LYZL2: variants seen among roughly 807,000 people sequenced by gnomAD.
The protein encoded by LYZL2 is lysozyme-like protein 2.
A neutral mutation model predicts 17.1 loss-of-function variants in LYZL2; 13 were observed. The ratio of observed to expected loss-of-function variants is 0.76; its 90% CI spans 0.49 to 1.21. The LOEUF is 1.21. Ranked by LOEUF, LYZL2 falls within the 50% of genes most tolerant of loss-of-function variation. The probability of loss-of-function intolerance (pLI) is 0.00; values close to 1 mark genes in which losing one functional copy is unlikely to be tolerated. For missense variants in LYZL2, 166 were observed against 189.2 expected (o/e 0.88, Z 0.72); for synonymous variants, 63 against 74.4 (o/e 0.85, Z 0.79).
chr10:30,620,032 T>C (rs1838595665), intron 3 of LYZL2, among the ~76,000 whole-genome samples: 1 of 152,176 alleles, frequency 6.6e-6, no homozygotes, highest in Non-Finnish European at 1.5e-5. Flanking sequence ...ATCGATTGCT[T>C]CTTCATATGC....
rs201949535 is a variant in LYZL2 at position 30,612,920 on chromosome 10, C to G, written c.299-20G>C. 3.7e-6 allele frequency: 6 copies of G among 1,605,272 alleles called. No homozygotes were observed. The African/African-American group carries it at 5.3e-5, about 14-fold the overall frequency. The stretch of plus-strand genomic sequence containing the variant: ...CCAAGGCTGTAAAAAGAGAGGTCAT[C>G]AGGGTTAGGCGAGACTTTGTTGTTG... On this transcript the variant is annotated intron_variant, in intron 3 of 4. Transcript: ENST00000647634.
chr10:30,625,544 A>G (rs1838688466), intron 3 of LYZL2, among the ~76,000 whole-genome samples: 1 of 152,168 alleles, frequency 6.6e-6, no homozygotes, highest in Non-Finnish European at 1.5e-5. Context: ...AAAAACAAAA[A>G]TAAAAATAGC....
intron 3 of LYZL2, among the ~76,000 whole-genome samples, chr10:30,625,599 G>C (rs1265425807): frequency 6.6e-6 from 1 of 152,142 alleles, no homozygotes; most frequent in Non-Finnish European, 1.5e-5. Flanking sequence ...AGGGAAGGTT[G>C]CTTGAGTCAT....
At chr10:30,629,449 C>G (rs2132957018) in intron 1 of LYZL2, 144 bp downstream of exon 1, 1 of 736,162 alleles carries the variant, frequency 1.4e-6, no homozygotes, top group South Asian at 2.6e-5. Context: ...CATCCTCTGC[C>G]TTAGAATGTT....
At chr10:30,628,292 A>G (rs1838752318) in intron 1 of LYZL2, among the ~76,000 whole-genome samples, 1 of 152,190 alleles carries the variant, frequency 6.6e-6, no homozygotes, top group African/African-American at 2.4e-5. Context: ...TTTATCTTAG[A>G]TTGCAAATGC....
downstream of LYZL2, among the ~76,000 whole-genome samples, chr10:30,607,145 CAG>C (rs375910920): frequency 3.3e-5 from 5 of 151,796 alleles, no homozygotes; most frequent in Admixed American, 6.6e-5. Flanking sequence ...CTCCTGATCT[CAG>C]GTGATCCACC....
In LYZL2 at chr10:30,625,017, C is replaced by T. The variant is rs115221563; in HGVS notation, c.298+1088G>A. ...GCCTGGAATGGCCCTTGGGTGACAA[C>T]CTGCAAGCAACAAGGATCTCAGTTC... On this transcript the variant is annotated intron_variant, in intron 3 of 4. Coordinates refer to ENST00000647634, the MANE Select transcript of LYZL2 (RefSeq NM_183058.3). Among the ~76,000 whole-genome samples the T allele has an allele frequency of 4.6e-3, 698 of 152,228 alleles. 7 individuals carry two copies. Among genetic ancestry groups the T allele is most frequent in the African/African-American group, 0.016 (673 of 41,524 alleles).
intron 3 of LYZL2, among the ~76,000 whole-genome samples, chr10:30,620,765 C>G (rs368624310): frequency 2.0e-5 from 3 of 150,952 alleles, no homozygotes; most frequent in African/African-American, 7.3e-5. Flanking sequence ...TAAAGAGAAA[C>G]AGGAATAAAA....
intron 3 of LYZL2, among the ~76,000 whole-genome samples, chr10:30,620,676 C>G (rs1444508130): frequency 6.6e-6 from 1 of 152,028 alleles, no homozygotes; most frequent in East Asian, 1.9e-4. Flanking sequence ...GGGCAAGACT[C>G]AGAAAGGACA....
chr10:30,615,775 T>C (rs1564407306), intron 3 of LYZL2, among the ~76,000 whole-genome samples: 1 of 152,246 alleles, frequency 6.6e-6, no homozygotes, highest in Non-Finnish European at 1.5e-5. Context: ...TTATTTGTTC[T>C]AGCTACATCT....
At chr10:30,612,089 A>G in intron 4 of LYZL2, 65 bp from the exon 5 acceptor site, 1 of 1,590,480 alleles carries the variant, frequency 6.3e-7, no homozygotes, top group African/African-American at 1.4e-5. Flanking sequence ...TCTCAGTTTC[A>G]AAGTCTACAG....
At chr10:30,611,140 T>C (rs551313368), downstream of LYZL2, among the ~76,000 whole-genome samples, 1 of 152,210 alleles carries the variant, frequency 6.6e-6, no homozygotes, top group Non-Finnish European at 1.5e-5. Flanking sequence ...CTCCCTACAA[T>C]GAAGAAGGGA....
intron 4 of LYZL2, among the ~76,000 whole-genome samples, chr10:30,612,560 C>T (rs1734204870): frequency 6.6e-6 from 1 of 152,158 alleles, no homozygotes; most frequent in Non-Finnish European, 1.5e-5. Context: ...TAGAAAATAC[C>T]TTTCTCCATT....
intron 3 of LYZL2, among the ~76,000 whole-genome samples, chr10:30,621,797 C>T (rs1838624600): frequency 6.6e-6 from 1 of 152,056 alleles, no homozygotes; most frequent in Admixed American, 6.6e-5. Context: ...TAACTGTCTG[C>T]TCAAGTAAAT....
rs904247911 is a variant in LYZL2, at chr10:30,626,155, C to T, written c.248G>A (p.Cys83Tyr). The part of the protein sequence containing the change: ...GIFQINSFAW[C>Y]RRGKLKENNH... ...GTTCTCCTTCAGCTTTCCGCGTCTGCACCACGCGAAGCTGTTGATCTGGAA... is the reference window on the plus strand; with the variant it reads ...GTTCTCCTTCAGCTTTCCGCGTCTGTACCACGCGAAGCTGTTGATCTGGAA... Residue 83 changes from cysteine (C) to tyrosine (Y), a missense_variant, in exon 3 of 5, where the codon TGC becomes TAC. Around this residue, in one of 2 missense-constraint regions of LYZL2, gnomAD observed 134 missense variants for 129.4 expected, o/e 1.04. Transcript: ENST00000647634. The T allele has an allele frequency of 1.2e-6, 2 of 1,614,146 alleles. No homozygotes were observed. The highest frequency in any genetic ancestry group is 2.7e-5 in the African/African-American group (2 of 74,952).
chr10:30,626,187 G>A lies in LYZL2; in HGVS notation c.216C>T (p.Tyr72=), dbSNP rs140339904. 145 of 1,614,052 alleles carry A rather than the reference G, an allele frequency of 9.0e-5. No individual in the cohort carries two copies. Among genetic ancestry groups the A allele is most frequent in the African/African-American group, 6.3e-4 (47 of 75,062 alleles). Residue 72 remains tyrosine, a synonymous_variant, in exon 3 of 5, where the codon TAC becomes TAT. Coordinates refer to ENST00000647634, the MANE Select transcript of LYZL2 (RefSeq NM_183058.3). ...CGAAGCTGTTGATCTGGAAGATGCC[G>A]TAGTCGATGCTGCCGTCATCCAGGA... ...QTVLDDGSID[Y]GIFQINSFAW...
chr10:30,609,213 A>G (rs1838406252), downstream of LYZL2, among the ~76,000 whole-genome samples: 2 of 152,206 alleles, frequency 1.3e-5, no homozygotes, highest in African/African-American at 4.8e-5. Context: ...TATAACAGTG[A>G]AAGACATGGT....
At chr10:30,607,142 T>C (rs75889007), downstream of LYZL2, among the ~76,000 whole-genome samples, 8 of 13,600 alleles carry the variant, frequency 5.9e-4, no homozygotes, top group African/African-American at 2.7e-3. Flanking sequence ...AAACTCCTGA[T>C]CTCAGGTGAT....
chr10:30,627,488 TATAATATAATA>T (rs1838733060), intron 1 of LYZL2, among the ~76,000 whole-genome samples: 8 of 151,954 alleles, frequency 5.3e-5, no homozygotes, highest in Non-Finnish European at 8.8e-5. Context: ...AAATAGTAAA[TATAATATAATA>T]GTAAATATTT....
Sources: gnomAD v4.1 joint callset for allele counts (sites outside exome capture counted in the v4.1 genomes callset) on GRCh38, gnomAD v4.1.1 for gene constraint, gnomAD v4.1.1 regional missense constraint, MANE v1.5 for transcripts, NCBI Gene and HGNC (gene_info 2026-07-23, HGNC 2026-07-21) for gene names.